The following ABCC6 variants were observed in gnomAD, a reference collection of about 807,000 sequenced individuals.
ABCC6 encodes the protein ATP binding cassette subfamily C member 6, also known as ATP-binding cassette sub-family C member 6.
Under a neutral mutation model 169.5 loss-of-function variants are expected in ABCC6, and 126 were observed. The observed-to-expected ratio is 0.74, with a 90% CI of 0.64 to 0.86. The LOEUF (loss-of-function observed/expected upper bound fraction) is 0.86. Among genes scored for constraint, ABCC6 ranks in the 40% least tolerant of loss-of-function variants. ABCC6 has a pLI of 0.00. For synonymous variants in ABCC6, 752 were observed against 814.7 expected, an observed-to-expected ratio of 0.92 and a Z score of 1.31; for missense variants, 1,733 against 1,927.2, an observed-to-expected ratio of 0.90 and a Z score of 1.89.
chr16:16,165,564 CA>C, intron 23 of ABCC6, 58 bp downstream of exon 23: 1 of 1,590,232 alleles, frequency 6.3e-7, no homozygotes, highest in Non-Finnish European at 8.6e-7. Context: ...TCCCCAGAGA[CA>C]GGGGACTGGC....
At chr16:16,186,263 ATGC>A (rs2047651729) in intron 14 of ABCC6, among the ~76,000 whole-genome samples, 2 of 152,118 alleles carry the variant, frequency 1.3e-5, no homozygotes, top group African/African-American at 4.8e-5. Flanking sequence ...GGTGCTTGAA[ATGC>A]TGCTATTTTC....
intron 11 of ABCC6, 46 bp downstream of exon 11, chr16:16,192,774 ACCTGTGGCTT>A: frequency 1.3e-6 from 2 of 1,510,012 alleles, no homozygotes; most frequent in Non-Finnish European, 9.2e-7. Context: ...CCACACCAGG[ACCTGTGGCTT>A]CCTCCCTACT....
chr16:16,173,404 C>G lies in ABCC6; in HGVS notation c.2667G>C (p.Arg889Ser). The G allele has an allele frequency of 6.2e-7, 1 of 1,614,038 alleles. No homozygotes were observed. The highest frequency in any genetic ancestry group is 1.3e-5 in the African/African-American group (1 of 74,998). ...CCTTCTCAGGGACTGACTTGATGGA[C>G]CTGTCATTTAGAGGAAATGAAGACA... ...AGRRPELRRE[R>S]SIKSVPEKDR... is the part of the protein sequence containing the mutation. The change falls in exon 21 of 31, where the codon AGG becomes AGC. Residue 889 changes from arginine to serine, a missense_variant and splice_region_variant. By Grantham distance (110) the Arg-to-Ser change is moderately radical (BLOSUM62 -1). Around this residue, in one of 5 missense-constraint regions of ABCC6, gnomAD observed 1,601 missense variants for 1,635.5 expected, o/e 0.98. Transcript: ENST00000205557.
chr16:16,162,695 G>A (rs781701127), intron 24 of ABCC6, among the ~76,000 whole-genome samples: 8 of 152,156 alleles, frequency 5.3e-5, no homozygotes, highest in Non-Finnish European at 1.2e-4. Context: ...TTCTTGCTTA[G>A]TACCTAAAGA....
chr16:16,189,833 TCTG>T (rs1481494687), intron 12 of ABCC6, among the ~76,000 whole-genome samples: 1 of 152,134 alleles, frequency 6.6e-6, no homozygotes, highest in Non-Finnish European at 1.5e-5. Context: ...GCTATGGACA[TCTG>T]CTGGCCAGGA....
intron 21 of ABCC6, chr16:16,173,041 C>T: frequency 1.7e-6 from 1 of 590,220 alleles, no homozygotes; most frequent in Non-Finnish European, 2.9e-6. Flanking sequence ...GCCACTTTCT[C>T]AAAATCAAAA....
At chr16:16,186,786 C>T (rs775721730) in intron 14 of ABCC6, among the ~76,000 whole-genome samples, 1 of 151,910 alleles carries the variant, frequency 6.6e-6, no homozygotes, top group Non-Finnish European at 1.5e-5. Context: ...CATCCCAAAA[C>T]CACGCGCCTC....
At chr16:16,192,730 G>A (rs2152272666) in intron 11 of ABCC6, 100 bp downstream of exon 11, 4 of 1,117,806 alleles carry the variant, frequency 3.6e-6, no homozygotes, top group African/African-American at 1.5e-5. Context: ...AGCCAGACCC[G>A]TGGGCTCGCA....
chr16:16,179,850 C>T (rs1223636851), intron 17 of ABCC6, among the ~76,000 whole-genome samples: 1 of 152,188 alleles, frequency 6.6e-6, no homozygotes, highest in Non-Finnish European at 1.5e-5. Flanking sequence ...CTTGGCCTCC[C>T]AAAGTGCTGG....
intron 6 of ABCC6, 100 bp from the exon 7 acceptor site, chr16:16,208,959 C>A: frequency 2.5e-6 from 4 of 1,572,824 alleles, no homozygotes; most frequent in Non-Finnish European, 2.6e-6. Context: ...GTCACTTTAC[C>A]TCTCTGTACC....
rs1445750651 is a variant in ABCC6 at position 16,190,338 on chromosome 16, C to T, written c.1461G>A (p.Arg487=). ...TGAGGATAGAGCTGGTGAGCCGTGC[C>T]CGTGAGTCCTTCTGCCTCATTTGCT... The part of the protein sequence containing the change: ...QEEQMRQKDS[R]ARLTSSILRN... The change falls in exon 12 of 31, where the codon CGG becomes CGA. Residue 487 remains arginine (R), a synonymous_variant. Coordinates refer to ENST00000205557, the MANE Select transcript of ABCC6 (RefSeq NM_001171.6). The T allele has an allele frequency of 3.1e-6, 5 of 1,614,018 alleles. No individual in the cohort carries two copies. The highest frequency in any genetic ancestry group is 2.2e-5 in the East Asian group (1 of 44,886).
At chr16:16,222,825 A>G (rs1227856879) in intron 1 of ABCC6, among the ~76,000 whole-genome samples, 2 of 152,124 alleles carry the variant, frequency 1.3e-5, no homozygotes, top group Non-Finnish European at 2.9e-5. Flanking sequence ...TGCAAACTTT[A>G]ACCTCTCTGT....
intron 7 of ABCC6, 56 bp from the exon 8 acceptor site, chr16:16,203,669 C>G: frequency 2.5e-6 from 4 of 1,600,836 alleles, no homozygotes; most frequent in Non-Finnish European, 3.4e-6. Context: ...CAGCCGCCAG[C>G]GGCAGGGCCA....
At chr16:16,158,620 G>C (rs1395477298) in intron 26 of ABCC6, among the ~76,000 whole-genome samples, 2 of 152,158 alleles carry the variant, frequency 1.3e-5, no homozygotes, top group East Asian at 1.9e-4. Flanking sequence ...TCATGTTGCT[G>C]TTTTGTTACC....
chr16:16,206,827 C>G (rs1278540604), intron 7 of ABCC6, among the ~76,000 whole-genome samples: 1 of 152,124 alleles, frequency 6.6e-6, no homozygotes, highest in African/African-American at 2.4e-5. Context: ...TCTGCCACTT[C>G]CGTAAAATCA....
chr16:16,171,165 T>A (rs2047052270), intron 21 of ABCC6, among the ~76,000 whole-genome samples: 1 of 151,862 alleles, frequency 6.6e-6, no homozygotes, highest in Non-Finnish European at 1.5e-5. Context: ...ATGTCACTTC[T>A]CAGAGCATCC....
In ABCC6 at chr16:16,193,690, G is replaced by C. The variant is rs184237970; in HGVS notation, c.1339-768C>G. Among the ~76,000 whole-genome samples the C allele has an allele frequency of 4.3e-3, 648 of 152,278 alleles. 5 individuals are homozygous for C. The highest frequency in any genetic ancestry group is 0.015 in the African/African-American group (611 of 41,560). On this transcript the variant is annotated intron_variant, in intron 10 of 30. Coordinates refer to ENST00000205557, the MANE Select transcript of ABCC6 (RefSeq NM_001171.6). Reference sequence around the variant, plus strand: ...GATCGCACCACTGCACTCCAGCCTGGGTGGCAGAGTGAGACTCCGTCTCAA... The same window carrying C: ...GATCGCACCACTGCACTCCAGCCTGCGTGGCAGAGTGAGACTCCGTCTCAA...
intron 20 of ABCC6, among the ~76,000 whole-genome samples, chr16:16,174,222 C>T (rs1460016690): frequency 6.6e-6 from 1 of 152,196 alleles, no homozygotes; most frequent in Non-Finnish European, 1.5e-5. Flanking sequence ...AGACTGCAAC[C>T]TACTCCTGTG....
chr16:16,154,149 GT>G (rs369323032), intron 29 of ABCC6, among the ~76,000 whole-genome samples: 13 of 151,868 alleles, frequency 8.6e-5, no homozygotes, highest in African/African-American at 3.1e-4. Flanking sequence ...GTCTTGCTAT[GT>G]TGCCCAGACT....
Sources: gnomAD v4.1 joint callset for allele counts (sites outside exome capture counted in the v4.1 genomes callset) on GRCh38, gnomAD v4.1.1 for gene constraint, gnomAD v4.1.1 regional missense constraint, MANE v1.5 for transcripts, NCBI Gene and HGNC (gene_info 2026-07-23, HGNC 2026-07-21) for gene names.